TRPM8: variants seen among roughly 807,000 people sequenced by gnomAD.
TRPM8 encodes the protein TRPM8 cationic channel.
A neutral mutation model predicts 133.7 loss-of-function variants in TRPM8; 110 were observed. The ratio of observed to expected loss-of-function variants is 0.82; its 90% CI spans 0.70 to 0.96. The LOEUF (loss-of-function observed/expected upper bound fraction) is 0.96. TRPM8 is among the 40% of genes least tolerant of loss of function. The pLI, the probability that TRPM8 is intolerant of heterozygous loss-of-function variation, is 0.00. For missense variants in TRPM8, 1,291 were observed against 1,379.5 expected (o/e 0.94, Z 1.02); for synonymous variants, 535 against 532.3 (o/e 1.01, Z -0.07).
At chr2:233,992,759 A>G (rs1249538749) in intron 21 of TRPM8, among the ~76,000 whole-genome samples, 1 of 152,198 alleles carries the variant, frequency 6.6e-6, no homozygotes, top group Non-Finnish European at 1.5e-5. Flanking sequence ...CTGGTTGTCA[A>G]GGAGACTTTA....
chr2:234,010,957 G>T (rs1184191486), intron 24 of TRPM8, among the ~76,000 whole-genome samples: 1 of 152,044 alleles, frequency 6.6e-6, no homozygotes, highest in East Asian at 1.9e-4. Context: ...TTCCTTTGTT[G>T]TGAAGAAGGT....
At chr2:233,957,357 C>T (rs956366569) in intron 11 of TRPM8, among the ~76,000 whole-genome samples, 1 of 151,706 alleles carries the variant, frequency 6.6e-6, no homozygotes, top group African/African-American at 2.4e-5. Flanking sequence ...GGCATGGTGG[C>T]ACATACCCGT....
chr2:233,941,952 C>T (rs1213219436), intron 5 of TRPM8, among the ~76,000 whole-genome samples: 5 of 151,744 alleles, frequency 3.3e-5, no homozygotes, highest in Admixed American at 3.3e-4. Context: ...CTTAGAGGCT[C>T]TGGTTAGACA....
At chr2:234,010,763 C>T (rs1692818935) in intron 24 of TRPM8, among the ~76,000 whole-genome samples, 1 of 152,128 alleles carries the variant, frequency 6.6e-6, no homozygotes, top group Non-Finnish European at 1.5e-5. Context: ...ACCTGTTTGA[C>T]ATTTGAATTT....
rs1691520318 is a variant in TRPM8 at position 233,926,564 on chromosome 2, C to A, written c.27C>A (p.Ser9Arg). The change falls in exon 2 of 26, where the codon AGC becomes AGA. Residue 9 changes from serine (S) to arginine (R), a missense_variant. Transcript: ENST00000324695. ...TGTCCTTTCGGGCAGCCAGGCTCAGCATGAGGAACAGAAGGAATGACACTC... is the reference window on the plus strand; with the variant it reads ...TGTCCTTTCGGGCAGCCAGGCTCAGAATGAGGAACAGAAGGAATGACACTC... MSFRAARL[S>R]MRNRRNDTLD... 6.2e-7 allele frequency: 1 copy of A among 1,613,972 alleles called. No homozygotes were observed. The highest frequency in any genetic ancestry group is 1.7e-5 in the Admixed American group (1 of 60,008).
chr2:234,003,379 T>A (rs1281620356), intron 22 of TRPM8, among the ~76,000 whole-genome samples: 10 of 152,214 alleles, frequency 6.6e-5, no homozygotes, highest in African/African-American at 2.4e-4. Context: ...ATAAGTTGCG[T>A]CTTTCTTTCC....
intron 22 of TRPM8, among the ~76,000 whole-genome samples, chr2:234,002,522 A>C (rs549640749): frequency 3.3e-5 from 5 of 152,130 alleles, no homozygotes; most frequent in Non-Finnish European, 5.9e-5. Flanking sequence ...ATGAGCAAAG[A>C]TACTCCCAGG....
At chr2:233,924,993 G>A (rs1224912546) in intron 1 of TRPM8, among the ~76,000 whole-genome samples, 1 of 152,216 alleles carries the variant, frequency 6.6e-6, no homozygotes, top group Non-Finnish European at 1.5e-5. Context: ...TTTTAAAGCA[G>A]TGCCAGTCTC....
intron 17 of TRPM8, among the ~76,000 whole-genome samples, chr2:233,975,650 G>A (rs1181845128): frequency 6.6e-6 from 1 of 152,232 alleles, no homozygotes; most frequent in Non-Finnish European, 1.5e-5. Flanking sequence ...GGAGGCCAAG[G>A]CGGGCGGATC....
At chr2:233,938,530 A>T (rs138035935) in intron 4 of TRPM8, among the ~76,000 whole-genome samples, 5 of 152,334 alleles carry the variant, frequency 3.3e-5, no homozygotes, top group African/African-American at 1.2e-4. Context: ...ATTAATCAAC[A>T]TATGTAAGAT....
chr2:233,998,548 C>T (rs1321545278), intron 22 of TRPM8, among the ~76,000 whole-genome samples: 2 of 151,806 alleles, frequency 1.3e-5, no homozygotes, highest in Non-Finnish European at 1.5e-5. Flanking sequence ...GCAGATTGTA[C>T]CCAGCTAGTT....
Position 233,930,711 on chromosome 2 carries a change from G to A in TRPM8, c.161G>A (p.Cys54Tyr), listed in dbSNP as rs1474713559. ...FIQANFKKRE[C>Y]VFFTKDSKAT... is the part of the protein sequence containing the mutation. Reference sequence around the variant, plus strand: ...CAAGCAAATTTTAAGAAACGAGAATGTGTCTTCTTTACCAAAGATTCCAAG... The same window carrying A: ...CAAGCAAATTTTAAGAAACGAGAATATGTCTTCTTTACCAAAGATTCCAAG... Residue 54 changes from cysteine to tyrosine, a missense_variant, in exon 3 of 26, where the codon TGT (cysteine) becomes TAT (tyrosine). Cys to Tyr is a radical substitution (Grantham distance 194). Coordinates refer to ENST00000324695, the MANE Select transcript of TRPM8 (RefSeq NM_024080.5). 3 of 1,609,750 alleles carry A rather than the reference G, an allele frequency of 1.9e-6. No homozygotes were observed. Among genetic ancestry groups the A allele is most frequent in the South Asian group, 1.1e-5 (1 of 90,514 alleles).
At chr2:233,965,197 G>A (rs1303649563) in intron 14 of TRPM8, among the ~76,000 whole-genome samples, 3 of 152,186 alleles carry the variant, frequency 2.0e-5, no homozygotes, top group Non-Finnish European at 2.9e-5. Context: ...CGACACTCAT[G>A]GTTTCTTACT....
At chr2:233,927,876 T>TTC (rs1691586371) in intron 2 of TRPM8, among the ~76,000 whole-genome samples, 2 of 63,744 alleles carry the variant, frequency 3.1e-5, no homozygotes, top group East Asian at 1.6e-3. Context: ...CTTTCTTTCT[T>TTC]TCTTTCTTTC....
chr2:234,008,061 T>G lies in TRPM8; in HGVS notation c.3231-9T>G, dbSNP rs1249308051. On this transcript the variant is annotated splice_polypyrimidine_tract_variant and intron_variant, in intron 23 of 25. Coordinates refer to ENST00000324695, the MANE Select transcript of TRPM8 (RefSeq NM_024080.5). ...TTGTTCACTTTCTTTTTCATTAACT[T>G]CTTTGCAGAATGAGGCATCGATTTA... 1.9e-6 allele frequency: 3 copies of G among 1,609,464 alleles called. No individual in the cohort carries two copies. The highest frequency in any genetic ancestry group is 2.5e-6 in the Non-Finnish European group (3 of 1,178,968).
intron 3 of TRPM8, among the ~76,000 whole-genome samples, chr2:233,931,906 C>A (rs1691686737): frequency 6.6e-6 from 1 of 152,190 alleles, no homozygotes; most frequent in African/African-American, 2.4e-5. Flanking sequence ...CTGTTGCTAC[C>A]TTTAAGGCAA....
intron 5 of TRPM8, among the ~76,000 whole-genome samples, chr2:233,939,589 G>A (rs1690853287): frequency 6.6e-6 from 1 of 152,188 alleles, no homozygotes; most frequent in Non-Finnish European, 1.5e-5. Flanking sequence ...GAGCACCACA[G>A]AAGTGTCTGA....
intron 3 of TRPM8, among the ~76,000 whole-genome samples, chr2:233,935,256 A>G (rs537455310): frequency 1.3e-5 from 2 of 152,324 alleles, no homozygotes; most frequent in East Asian, 3.9e-4. Context: ...CTCAGTTTGT[A>G]TATCTTTATT....
rs774543299 is a variant in TRPM8, at chr2:233,939,149, G to C, written c.500G>C (p.Arg167Pro). The C allele has an allele frequency of 6.2e-7, 1 of 1,613,986 alleles. No individual in the cohort carries two copies. The change falls in exon 5 of 26, where the codon CGG (arginine) becomes CCG (proline). Residue 167 changes from arginine (R) to proline (P), a missense_variant. This residue lies in a region of TRPM8 where 963 missense variants were observed against 968.9 expected (regional missense o/e 0.99). Transcript: ENST00000324695. ...LKPRMRKIFS[R>P]LIYIAQSKGA... ...CCGCGCATGCGCAAGATCTTCAGCC[G>C]GCTCATCTACATCGCGCAGTCCAAA...
Sources: allele counts gnomAD v4.1 joint callset (sites outside exome capture counted in the v4.1 genomes callset), GRCh38; gene constraint gnomAD v4.1.1; regional missense constraint gnomAD v4.1.1; transcripts MANE v1.5; gene names NCBI Gene and HGNC (gene_info 2026-07-23, HGNC 2026-07-21).